The following RAD51B variants were observed in gnomAD, a reference collection of about 807,000 sequenced individuals.
The protein encoded by RAD51B is RAD51 paralog B.
A neutral mutation model predicts 42.2 loss-of-function variants in RAD51B; 38 were observed. The observed-to-expected ratio is 0.90, with a 90% CI of 0.70 to 1.18. RAD51B has a LOEUF of 1.18. Ranked by LOEUF, RAD51B falls within the 50% of genes most tolerant of loss-of-function variation. The pLI, the probability that RAD51B is intolerant of heterozygous loss-of-function variation, is 0.00. For synonymous variants in RAD51B, 154 were observed against 145.2 expected, an observed-to-expected ratio of 1.06 and a Z score of -0.43; for missense variants, 373 against 400.7, an observed-to-expected ratio of 0.93 and a Z score of 0.59.
intron 7 of RAD51B, among the ~76,000 whole-genome samples, chr14:68,036,151 A>G (rs1417673687): frequency 6.6e-6 from 1 of 152,182 alleles, no homozygotes; most frequent in African/African-American, 2.4e-5. Context: ...AGCTTTTATG[A>G]GCATTATTTA....
intron 5 of RAD51B, among the ~76,000 whole-genome samples, chr14:67,879,140 G>A (rs576003731): frequency 1.3e-5 from 2 of 152,214 alleles, no homozygotes; most frequent in Non-Finnish European, 2.9e-5. Flanking sequence ...AATCCATAGG[G>A]CAGGCTGTTG....
At chr14:68,570,084 G>C (rs1889619004) in intron 10 of RAD51B, among the ~76,000 whole-genome samples, 1 of 152,204 alleles carries the variant, frequency 6.6e-6, no homozygotes, top group African/African-American at 2.4e-5. Flanking sequence ...TCTTTCCCCT[G>C]TTTACCTAAT....
At chr14:68,672,735 G>A (rs924240486) in intron 11 of RAD51B, among the ~76,000 whole-genome samples, 9 of 152,138 alleles carry the variant, frequency 5.9e-5, no homozygotes, top group African/African-American at 1.9e-4. Flanking sequence ...AAATCCCATC[G>A]ATCATAAGAG....
chr14:68,035,665 C>G (rs910405041), intron 7 of RAD51B, among the ~76,000 whole-genome samples: 3 of 152,146 alleles, frequency 2.0e-5, no homozygotes, highest in Admixed American at 2.0e-4. Context: ...TTTCATCTTA[C>G]AAAATTATTT....
intron 5 of RAD51B, among the ~76,000 whole-genome samples, chr14:67,875,527 A>C (rs1387529222): frequency 6.6e-6 from 1 of 152,196 alleles, no homozygotes; most frequent in Non-Finnish European, 1.5e-5. Flanking sequence ...TTTAGATACA[A>C]AGATATTTGT....
intron 10 of RAD51B, among the ~76,000 whole-genome samples, chr14:68,639,775 T>C (rs1298855700): frequency 6.6e-6 from 1 of 152,008 alleles, no homozygotes; most frequent in Admixed American, 6.6e-5. Context: ...TTTTGTTTTT[T>C]TTGTTGTTTT....
intron 8 of RAD51B, among the ~76,000 whole-genome samples, chr14:68,301,929 T>C (rs2081749660): frequency 6.6e-6 from 1 of 152,192 alleles, no homozygotes; most frequent in African/African-American, 2.4e-5. Flanking sequence ...GGAATTTTTG[T>C]CACTTTTGTT....
At chr14:68,602,506 C>CTAGCTAGATAGATAGA (rs796356164) in intron 10 of RAD51B, among the ~76,000 whole-genome samples, 6 of 149,028 alleles carry the variant, frequency 4.0e-5, no homozygotes, top group East Asian at 2.0e-4. Flanking sequence ...GGATGGATAG[C>CTAGCTAGATAGATAGA]TAGATAGATA....
chr14:67,883,259 C>T (rs1428516494), intron 5 of RAD51B, among the ~76,000 whole-genome samples: 3 of 146,730 alleles, frequency 2.0e-5, no homozygotes, highest in Admixed American at 1.4e-4. Flanking sequence ...GAAGTCAGAT[C>T]ATGTTGTTCC....
intron 10 of RAD51B, among the ~76,000 whole-genome samples, chr14:68,559,287 C>T (rs896901749): frequency 5.9e-5 from 9 of 151,864 alleles, no homozygotes; most frequent in Non-Finnish European, 2.9e-5. Flanking sequence ...TAGTGTCATA[C>T]ATGTAATATA....
At chr14:68,234,511 C>T (rs572294951) in intron 7 of RAD51B, among the ~76,000 whole-genome samples, 1 of 152,158 alleles carries the variant, frequency 6.6e-6, no homozygotes, top group Non-Finnish European at 1.5e-5. Flanking sequence ...CTGCTATACA[C>T]CTTGGCTGGA....
intron 8 of RAD51B, among the ~76,000 whole-genome samples, chr14:68,298,906 T>C (rs932888329): frequency 9.2e-5 from 14 of 152,206 alleles, no homozygotes; most frequent in Admixed American, 7.9e-4. Flanking sequence ...TAATGTGGCA[T>C]GAAGCGTCTT....
intron 3 of RAD51B, among the ~76,000 whole-genome samples, chr14:67,829,396 C>T (rs1233501760): frequency 6.6e-6 from 1 of 152,098 alleles, no homozygotes; most frequent in African/African-American, 2.4e-5. Context: ...ATGCCCACCT[C>T]CACGCCTGGC....
At chr14:68,038,194 T>G (rs2076163169) in intron 7 of RAD51B, among the ~76,000 whole-genome samples, 1 of 152,254 alleles carries the variant, frequency 6.6e-6, no homozygotes, top group African/African-American at 2.4e-5. Context: ...TGCTTATAAT[T>G]TCCTCTTTTA....
downstream of RAD51B, among the ~76,000 whole-genome samples, chr14:68,599,580 C>T (rs543549642): frequency 3.3e-5 from 5 of 152,318 alleles, no homozygotes; most frequent in African/African-American, 1.2e-4. Context: ...CTTCTCACGA[C>T]CTCCCATCAG....
At chr14:68,385,566 T>C (rs574898764) in intron 8 of RAD51B, among the ~76,000 whole-genome samples, 1 of 152,336 alleles carries the variant, frequency 6.6e-6, no homozygotes, top group South Asian at 2.1e-4. Flanking sequence ...AAGGGCAGTC[T>C]TACTTCTGGA....
intron 8 of RAD51B, among the ~76,000 whole-genome samples, chr14:68,375,550 C>T (rs1203802195): frequency 6.6e-6 from 1 of 152,126 alleles, no homozygotes; most frequent in Non-Finnish European, 1.5e-5. Context: ...CCAGAGTATG[C>T]CGTCCCTCAC....
chr14:68,427,025 A>G (rs2084867703), intron 9 of RAD51B, among the ~76,000 whole-genome samples: 1 of 152,228 alleles, frequency 6.6e-6, no homozygotes, highest in African/African-American at 2.4e-5. Flanking sequence ...TTGCCACTCT[A>G]GAGGCACGAG....
At chr14:68,611,673 GC>G (rs1476468939), downstream of RAD51B, 7 of 251,658 alleles carry the variant, frequency 2.8e-5, no homozygotes, top group African/African-American at 1.5e-4. Context: ...AGTCGCACAG[GC>G]AGTCTCAAAT....
Sources: gnomAD v4.1 joint callset for allele counts (sites outside exome capture counted in the v4.1 genomes callset) on GRCh38, gnomAD v4.1.1 for gene constraint, MANE v1.5 for transcripts, NCBI Gene and HGNC (gene_info 2026-07-23, HGNC 2026-07-21) for gene names.